FCHSD2: variants seen among roughly 807,000 people sequenced by gnomAD.
FCHSD2 encodes F-BAR and double SH3 domains protein 2.
In FCHSD2, 38 loss-of-function variants were observed where a neutral mutation model predicts 108.1. The observed-to-expected ratio is 0.35, with a 90% CI of 0.27 to 0.46. FCHSD2 has a LOEUF of 0.46. Ranked by LOEUF, FCHSD2 falls within the 20% of genes least tolerant of loss-of-function variation. FCHSD2 has a pLI of 1.00. For missense variants in FCHSD2, 751 were observed against 897.8 expected (o/e 0.84, Z 2.09); for synonymous variants, 279 against 314.7 (o/e 0.89, Z 1.20).
At chr11:72,877,887 C>G (rs536902106) in intron 12 of FCHSD2, among the ~76,000 whole-genome samples, 9 of 152,160 alleles carry the variant, frequency 5.9e-5, no homozygotes, top group Admixed American at 4.6e-4. Flanking sequence ...ATGTCTGTAG[C>G]CCCAGCTATT....
chr11:73,100,301 A>T (rs1860190792), intron 2 of FCHSD2, among the ~76,000 whole-genome samples: 1 of 151,916 alleles, frequency 6.6e-6, no homozygotes, highest in Non-Finnish European at 1.5e-5. Context: ...AGTGCCTTAA[A>T]AGGAAGGCAC....
chr11:73,024,946 A>T (rs1312415575), intron 3 of FCHSD2, among the ~76,000 whole-genome samples: 2 of 152,192 alleles, frequency 1.3e-5, no homozygotes, highest in African/African-American at 2.4e-5. Flanking sequence ...ATGAGATACT[A>T]TCTAACACCA....
chr11:72,849,701 T>C (rs978217094), intron 14 of FCHSD2, 54 bp downstream of exon 14: 1 of 1,363,584 alleles, frequency 7.3e-7, no homozygotes, highest in Non-Finnish European at 1.0e-6. Context: ...TACAGTCATG[T>C]GTATCTTCAG....
Position 73,000,981 on chromosome 11 carries a change from AAAC to A in FCHSD2, c.387+6_387+8del. The A allele has an allele frequency of 6.3e-7, 1 of 1,597,364 alleles. No homozygotes were observed. The highest frequency in any genetic ancestry group is 2.2e-5 in the East Asian group (1 of 44,718). ...AAAATGCATATAAGAACAGAAATAA[AAAC>A]AATACCCTTTTTAGTTGCTGTTCTT... is the stretch of plus-strand genomic sequence containing the variant. On this transcript the variant is annotated splice_donor_region_variant and intron_variant, in intron 5 of 19. Transcript: ENST00000409418.
rs35979371 is a variant in FCHSD2, at chr11:73,113,353, CTTTTTTTTTTTTTTTT to C, written c.119+26662_119+26677del. ...TGATCATCATGCTTCCCAAGATGGT[CTTTTTTTTTTTTTTTT>C]TTTTTTTTTTTTTTTCTGAGACAAG... On this transcript the variant is annotated intron_variant, in intron 2 of 19. Coordinates refer to ENST00000409418, the MANE Select transcript of FCHSD2 (RefSeq NM_014824.3). 7.7e-4 allele frequency among the ~76,000 whole-genome samples: 23 copies of C among 29,916 alleles called. 1 individual carries two copies. The South Asian group carries it at 0.035, about 45-fold the overall frequency. 19.6% of individuals were successfully genotyped at this position (29,916 alleles called of 152,430 possible).
chr11:73,109,748 G>T (rs1860437790), intron 2 of FCHSD2, among the ~76,000 whole-genome samples: 1 of 152,254 alleles, frequency 6.6e-6, no homozygotes, highest in South Asian at 2.1e-4. Context: ...AGTAACAGTA[G>T]TGACAGTGGG....
chr11:72,887,677 G>T, intron 11 of FCHSD2, 103 bp from the exon 12 acceptor site: 2 of 675,242 alleles, frequency 3.0e-6, no homozygotes, highest in Non-Finnish European at 4.8e-6. Context: ...GTGACTAGTA[G>T]CCATAATTTT....
At chr11:73,040,454 AC>A (rs763920127) in intron 3 of FCHSD2, among the ~76,000 whole-genome samples, 5 of 152,200 alleles carry the variant, frequency 3.3e-5, no homozygotes, top group Non-Finnish European at 7.3e-5. Flanking sequence ...TTTCTCAAAC[AC>A]CATACAGTTT....
In FCHSD2 at chr11:72,921,942, A is replaced by T; in HGVS notation, c.714T>A (p.Asp238Glu). 6.3e-7 allele frequency: 1 copy of T among 1,589,286 alleles called. No individual in the cohort carries two copies. Among genetic ancestry groups the T allele is most frequent in the Non-Finnish European group, 8.6e-7 (1 of 1,166,264 alleles). ...TDLVNIMKALDGNVYDHLKDY... is the reference protein window; with the variant it reads ...TDLVNIMKALEGNVYDHLKDY... ...CCTTGAGATGATCATACACATTTCC[A>T]TCAAGAGCCTGTAATAGAGGAGTAA... Residue 238 changes from aspartate (D) to glutamate (E), a missense_variant, in exon 9 of 20, where the codon GAT (aspartate) becomes GAA (glutamate). Asp to Glu is a conservative substitution (Grantham distance 45). Coordinates refer to ENST00000409418, the MANE Select transcript of FCHSD2 (RefSeq NM_014824.3).
intron 3 of FCHSD2, among the ~76,000 whole-genome samples, chr11:73,045,184 C>T (rs938118192): frequency 6.6e-6 from 1 of 152,052 alleles, no homozygotes; most frequent in Admixed American, 6.6e-5. Flanking sequence ...TCATCACTGG[C>T]CATCAGAGAA....
chr11:72,971,329 T>TA (rs1159351098), intron 8 of FCHSD2, among the ~76,000 whole-genome samples: 10 of 152,202 alleles, frequency 6.6e-5, no homozygotes, highest in Non-Finnish European at 1.5e-4. Context: ...GACAGAACTA[T>TA]AAAATGATCC....
chr11:72,879,912 T>A (rs1346232544), intron 12 of FCHSD2, among the ~76,000 whole-genome samples: 1 of 146,730 alleles, frequency 6.8e-6, no homozygotes, highest in Non-Finnish European at 1.5e-5. Context: ...GGCCGAACAA[T>A]CGGTTGAACC....
intron 8 of FCHSD2, among the ~76,000 whole-genome samples, chr11:72,961,026 G>T (rs1183227287): frequency 6.6e-6 from 1 of 152,150 alleles, no homozygotes; most frequent in Non-Finnish European, 1.5e-5. Flanking sequence ...CTAGGAATGG[G>T]GAGGTAACAC....
At chr11:72,944,079 T>C (rs1234859857) in intron 8 of FCHSD2, among the ~76,000 whole-genome samples, 2 of 152,282 alleles carry the variant, frequency 1.3e-5, no homozygotes, top group East Asian at 3.9e-4. Flanking sequence ...TACCAAAGCC[T>C]GGCAGAGACA....
In FCHSD2 at chr11:72,868,022, A is replaced by G. The variant is rs1854768430; in HGVS notation, c.1151T>C (p.Ile384Thr). 3.2e-6 allele frequency: 5 copies of G among 1,556,164 alleles called. No individual in the cohort carries two copies. The highest frequency in any genetic ancestry group is 4.4e-6 in the Non-Finnish European group (5 of 1,148,706). Residue 384 changes from isoleucine (I) to threonine (T), a missense_variant, in exon 13 of 20, where the codon ATT becomes ACT. By Grantham distance (89) the Ile-to-Thr change is moderately conservative. Transcript: ENST00000409418. The part of the protein sequence containing the change: ...ARENIRKAEI[I>T]KLKAEARLDL... ...CAACCGGGCTTCAGCTTTCAATTTA[A>G]TTATCTAGAGAACCAAGAAAATGGT... is the stretch of plus-strand genomic sequence containing the variant.
intron 8 of FCHSD2, among the ~76,000 whole-genome samples, chr11:72,934,521 A>G (rs1314314763): frequency 6.6e-6 from 1 of 151,958 alleles, no homozygotes; most frequent in African/African-American, 2.4e-5. Flanking sequence ...TAAAGTAGAG[A>G]CAAGGTTTCA....
chr11:73,019,435 T>C (rs1172629117), intron 3 of FCHSD2, among the ~76,000 whole-genome samples: 1 of 152,210 alleles, frequency 6.6e-6, no homozygotes, highest in Non-Finnish European at 1.5e-5. Context: ...GAAATCATTT[T>C]AGAGTGGACT....
chr11:72,893,930 T>C (rs1384453461), intron 10 of FCHSD2, among the ~76,000 whole-genome samples: 1 of 152,196 alleles, frequency 6.6e-6, no homozygotes, highest in Non-Finnish European at 1.5e-5. Context: ...TCTCAAGATA[T>C]GATTTTGTTT....
At chr11:72,957,139 C>T (rs910047199) in intron 8 of FCHSD2, among the ~76,000 whole-genome samples, 2 of 150,090 alleles carry the variant, frequency 1.3e-5, no homozygotes, top group Non-Finnish European at 3.0e-5. Context: ...CCCACTAACT[C>T]GTCAGCTAGC....
Sources: gnomAD v4.1 joint callset for allele counts (sites outside exome capture counted in the v4.1 genomes callset) on GRCh38, gnomAD v4.1.1 for gene constraint, MANE v1.5 for transcripts, NCBI Gene and HGNC (gene_info 2026-07-23, HGNC 2026-07-21) for gene names.